Variants in ADAM8 observed in about 807,000 individuals in gnomAD.
ADAM8 encodes the protein disintegrin and metalloproteinase domain-containing protein 8.
ADAM8 carries 104 observed loss-of-function variants against 102.4 expected under a neutral mutation model. The ratio of observed to expected loss-of-function variants is 1.02; its 90% CI spans 0.87 to 1.20. The LOEUF is 1.20. ADAM8 is among the 50% of genes most tolerant of loss of function. The pLI, the probability that ADAM8 is intolerant of heterozygous loss-of-function variation, is 0.00. For missense variants in ADAM8, 1,132 were observed against 1,159.0 expected (o/e 0.98, Z 0.34); for synonymous variants, 517 against 485.2 (o/e 1.07, Z -0.86).
chr10:133,268,806 G>C lies in ADAM8; in HGVS notation c.2005C>G (p.Leu669Val). ...ACGATGATGCCTGCCAGGGTGACCA[G>C]CACAACTGCCAGGAGCACCAGAACC... ...VVVLVLLAVVLVTLAGIIVYR... is the reference protein window; with the variant it reads ...VVVLVLLAVVVVTLAGIIVYR... Residue 669 changes from leucine (L) to valine (V), a missense_variant, in exon 19 of 23, where the codon CTG becomes GTG. Leu to Val is a conservative substitution (Grantham distance 32, BLOSUM62 1). Transcript: ENST00000445355. 2 of 1,610,676 alleles carry C rather than the reference G, an allele frequency of 1.2e-6. No individual in the cohort carries two copies. Among genetic ancestry groups the C allele is most frequent in the Non-Finnish European group, 1.7e-6 (2 of 1,179,882 alleles).
At chr10:133,271,417 C>G (rs1254615499) in intron 12 of ADAM8, 111 bp downstream of exon 12, 1 of 1,460,970 alleles carries the variant, frequency 6.8e-7, no homozygotes, top group African/African-American at 1.4e-5. Context: ...GCTCTGGACA[C>G]CCACAGAGCC....
Position 133,273,758 on chromosome 10 carries a change from C to G in ADAM8, c.383+4G>C. The stretch of plus-strand genomic sequence containing the variant: ...GAGCCCTGGCGTTCGTCCGCCACAC[C>G]CACCTGAGGCCGGCACAGGTGCTGA... On this transcript the variant is annotated splice_donor_region_variant and intron_variant, in intron 5 of 22. Transcript: ENST00000445355. 1 of 1,548,092 alleles carries G rather than the reference C, an allele frequency of 6.5e-7. No homozygotes were observed. Among genetic ancestry groups the G allele is most frequent in the Non-Finnish European group, 8.7e-7 (1 of 1,146,664 alleles).
In ADAM8 at chr10:133,271,799, G is replaced by T; in HGVS notation, c.1106+7C>A. On this transcript the variant is annotated splice_region_variant and intron_variant, in intron 11 of 22. Coordinates refer to ENST00000445355, the MANE Select transcript of ADAM8 (RefSeq NM_001109.5). The stretch of plus-strand genomic sequence containing the variant: ...TACCCTGGCTCTGCAGGGCCTGGCC[G>T]CCTCACCCAATGCTGCCCGCCATGA... The T allele has an allele frequency of 1.3e-6, 2 of 1,589,266 alleles. No homozygotes were observed. The highest frequency in any genetic ancestry group is 1.7e-6 in the Non-Finnish European group (2 of 1,166,978).
At position 133,268,472 on chromosome 10, in the gene ADAM8, C is replaced by T. The variant is rs374980930; in HGVS notation, c.2063+276G>A. Among the ~76,000 whole-genome samples, 48 of 152,324 alleles carry T rather than the reference C, an allele frequency of 3.2e-4. 1 individual carries two copies. The East Asian group carries it at 4.2e-3, about 13-fold the overall frequency. The stretch of plus-strand genomic sequence containing the variant: ...CTGGGTCAGGGTATGGGGGACCCCA[C>T]CGGGCCTCTCTGGATTTGCCCCAAG... On this transcript the variant is annotated intron_variant, in intron 19 of 22. Transcript: ENST00000445355.
At chr10:133,263,418 G>A (rs1846222721) in intron 22 of ADAM8, among the ~76,000 whole-genome samples, 185 bp from the exon 23 acceptor site, 1 of 152,170 alleles carries the variant, frequency 6.6e-6, no homozygotes, top group Non-Finnish European at 1.5e-5. Context: ...GCTCACAGAG[G>A]ACAGACTTTC....
Position 133,263,736 on chromosome 10 carries a change from C to T in ADAM8, c.2349G>A (p.Val783=), listed in dbSNP as rs1846236724. 1.9e-6 allele frequency: 3 copies of T among 1,573,372 alleles called. No individual in the cohort carries two copies. Among genetic ancestry groups the T allele is most frequent in the South Asian group, 2.3e-5 (2 of 85,302 alleles). The stretch of plus-strand genomic sequence containing the variant: ...CACCAGCCCCGGGTTTGACTGGGGG[C>T]ACTGGGGGTGCGAACGTTGGCTTGA... ...QVIKPTFAPP[V]PPVKPGAGAA... Residue 783 remains valine, a synonymous_variant, in exon 22 of 23, where the codon GTG becomes GTA. Coordinates refer to ENST00000445355, the MANE Select transcript of ADAM8 (RefSeq NM_001109.5).
Position 133,271,203 on chromosome 10 carries a change from G to A in ADAM8, c.1371C>T (p.Cys457=). The part of the protein sequence containing the change: ...QCAHGTCCQE[C]KVKPAGELCR... ...ACTGGTGGGAGGCTGCACTCACCTT[G>A]CACTCCTGGCAGCAGGTACCGTGCG... is the stretch of plus-strand genomic sequence containing the variant. Residue 457 remains cysteine, a synonymous_variant, in exon 13 of 23, where the codon TGC becomes TGT. Transcript: ENST00000445355. 2 of 1,611,130 alleles carry A rather than the reference G, an allele frequency of 1.2e-6. No homozygotes were observed. The highest frequency in any genetic ancestry group is 1.7e-6 in the Non-Finnish European group (2 of 1,179,216).
In ADAM8 at chr10:133,269,075, A is replaced by G. The variant is rs527645755; in HGVS notation, c.1949-213T>C. The stretch of plus-strand genomic sequence containing the variant: ...GGCCCTGGGCCACAGTGCTGTGGGC[A>G]CGGCTGTGCCTTTGAGGCCTGATGC... On this transcript the variant is annotated intron_variant, in intron 18 of 22. Coordinates refer to ENST00000445355, the MANE Select transcript of ADAM8 (RefSeq NM_001109.5). 1.0e-5 allele frequency: 10 copies of G among 985,444 alleles called. No individual in the cohort carries two copies. The African/African-American group carries it at 1.6e-4, about 15-fold the overall frequency. 61.0% of individuals were successfully genotyped at this position (985,444 alleles called of 1,614,324 possible).
chr10:133,275,139 C>CCA, intron 2 of ADAM8: 2 of 351,556 alleles, frequency 5.7e-6, no homozygotes, highest in South Asian at 6.0e-5. Flanking sequence ...GCCCCCCCCC[C>CCA]AACACAGGAA....
chr10:133,269,410 C>A, intron 18 of ADAM8, 35 bp downstream of exon 18: 1 of 1,483,816 alleles, frequency 6.7e-7, no homozygotes, highest in Non-Finnish European at 9.0e-7. Flanking sequence ...TGAGCTTGGA[C>A]CCCAGCCCCA....
Position 133,270,763 on chromosome 10 carries a change from A to C in ADAM8, c.1607T>G (p.Leu536Arg). ...AEESCFSYDI[L>R]PGCKASRYRA... ...GTACCGGCTGGCCTTGCAGCCTGGT[A>C]GGATGTCATAGGAGAAGCAGGACTC... is the stretch of plus-strand genomic sequence containing the variant. Residue 536 changes from leucine to arginine, a missense_variant, in exon 15 of 23, where the codon CTA (leucine) becomes CGA (arginine). Leu to Arg is a moderately radical substitution (Grantham distance 102, BLOSUM62 -2). Coordinates refer to ENST00000445355, the MANE Select transcript of ADAM8 (RefSeq NM_001109.5). 6.2e-7 allele frequency: 1 copy of C among 1,606,866 alleles called. No individual in the cohort carries two copies. The highest frequency in any genetic ancestry group is 2.3e-5 in the East Asian group (1 of 44,320).
Position 133,265,753 on chromosome 10 carries a change from G to A in ADAM8, c.2319+1599C>T, listed in dbSNP as rs536010534. The stretch of plus-strand genomic sequence containing the variant: ...GCGGAGATTGCAGTGAGCTGAGATC[G>A]CGCCACTGCACTCCAGCCTGGGCGA... On this transcript the variant is annotated intron_variant, in intron 21 of 22. Coordinates refer to ENST00000445355, the MANE Select transcript of ADAM8 (RefSeq NM_001109.5). 2.8e-3 allele frequency among the ~76,000 whole-genome samples: 431 copies of A among 151,838 alleles called. 1 individual carries two copies. Among genetic ancestry groups the A allele is most frequent in the Non-Finnish European group, 4.1e-3 (277 of 67,956 alleles).
chr10:133,273,239 G>A lies in ADAM8; in HGVS notation c.573+15C>T, dbSNP rs1344234563. 1 of 1,601,376 alleles carries A rather than the reference G, an allele frequency of 6.2e-7. No homozygotes were observed. Among genetic ancestry groups the A allele is most frequent in the Admixed American group, 1.7e-5 (1 of 58,818 alleles). On this transcript the variant is annotated intron_variant, in intron 6 of 22. Coordinates refer to ENST00000445355, the MANE Select transcript of ADAM8 (RefSeq NM_001109.5). ...CCGGCAGGGCCAGCCAAACACAGGA[G>A]ACAAGGGTGCTCACCCCGGGCCGAG...
chr10:133,265,971 G>T (rs1369069239), intron 21 of ADAM8, among the ~76,000 whole-genome samples: 1 of 152,132 alleles, frequency 6.6e-6, no homozygotes. Context: ...AGCTTTCTAA[G>T]GAAAAATCTG....
rs759947382 is a variant in ADAM8 at position 133,272,836 on chromosome 10, G to A, written c.667C>T (p.Arg223Cys). 10 of 1,610,950 alleles carry A rather than the reference G, an allele frequency of 6.2e-6. No homozygotes were observed. The highest frequency in any genetic ancestry group is 2.2e-5 in the East Asian group (1 of 44,816). The change falls in exon 8 of 23, where the codon CGT becomes TGT. Residue 223 changes from arginine to cysteine, a missense_variant. Coordinates refer to ENST00000445355, the MANE Select transcript of ADAM8 (RefSeq NM_001109.5). ...FQMLGSEAAVRHRVLEVVNHV... is the reference protein window; with the variant it reads ...FQMLGSEAAVCHRVLEVVNHV... Reference sequence around the variant, plus strand: ...TTCACCACCTCCAGCACCCGATGACGCACGGCTGCTTCGCTCCCCAGCATC... The same window carrying A: ...TTCACCACCTCCAGCACCCGATGACACACGGCTGCTTCGCTCCCCAGCATC...
At position 133,272,847 on chromosome 10, in the gene ADAM8, T is replaced by C; in HGVS notation, c.656A>G (p.Glu219Gly). Residue 219 changes from glutamate to glycine, a missense_variant, in exon 8 of 23, where the codon GAA becomes GGA. By Grantham distance (98) the Glu-to-Gly change is moderately conservative (BLOSUM62 -2). Coordinates refer to ENST00000445355, the MANE Select transcript of ADAM8 (RefSeq NM_001109.5). ...CAGCACCCGATGACGCACGGCTGCT[T>C]CGCTCCCCAGCATCTGGAACTGGGG... is the stretch of plus-strand genomic sequence containing the variant. ...DNAEFQMLGSEAAVRHRVLEV... is the reference protein window; with the variant it reads ...DNAEFQMLGSGAAVRHRVLEV... 1.2e-6 allele frequency: 2 copies of C among 1,611,268 alleles called. No homozygotes were observed. Among genetic ancestry groups the C allele is most frequent in the South Asian group, 1.1e-5 (1 of 91,024 alleles).
intron 17 of ADAM8, 70 bp from the exon 18 acceptor site, chr10:133,269,599 A>T (rs1450311804): frequency 7.0e-7 from 1 of 1,428,690 alleles, no homozygotes; most frequent in Non-Finnish European, 9.3e-7. Flanking sequence ...CCGTGCCTCC[A>T]GCATGAGGGC....
At chr10:133,270,568 G>A in intron 15 of ADAM8, 58 bp from the exon 16 acceptor site, 1 of 1,559,558 alleles carries the variant, frequency 6.4e-7, no homozygotes, top group Admixed American at 1.7e-5. Flanking sequence ...GGGGAGCCCA[G>A]GAGCCACAGT....
chr10:133,276,696 G>C, intron 1 of ADAM8, 76 bp downstream of exon 1: 2 of 1,505,702 alleles, frequency 1.3e-6, no homozygotes, highest in Non-Finnish European at 1.8e-6. Flanking sequence ...CAGGGGCTCG[G>C]GGTCCGCGTC....
Sources: allele counts gnomAD v4.1 joint callset (sites outside exome capture counted in the v4.1 genomes callset), GRCh38; gene constraint gnomAD v4.1.1; transcripts MANE v1.5; gene names NCBI Gene and HGNC (gene_info 2026-07-23, HGNC 2026-07-21).